The following GALNT16 variants were observed in gnomAD, a reference collection of about 807,000 sequenced individuals.
GALNT16 encodes polypeptide N-acetylgalactosaminyltransferase 16.
In GALNT16, 40 loss-of-function variants were observed where a neutral mutation model predicts 76.1. That is an observed-to-expected ratio of 0.53 (90% CI 0.41 to 0.68). GALNT16 has a LOEUF of 0.68. Among genes scored for constraint, GALNT16 ranks in the 30% least tolerant of loss-of-function variants. The probability of loss-of-function intolerance (pLI) is 0.00; values close to 1 mark genes in which losing one functional copy is unlikely to be tolerated. For synonymous variants in GALNT16, 276 were observed against 285.2 expected, an observed-to-expected ratio of 0.97 and a Z score of 0.32; for missense variants, 621 against 731.9, an observed-to-expected ratio of 0.85 and a Z score of 1.75.
At chr14:69,326,432 C>T (rs1401854146) in intron 5 of GALNT16, among the ~76,000 whole-genome samples, 1 of 152,184 alleles carries the variant, frequency 6.6e-6, no homozygotes, top group African/African-American at 2.4e-5. Context: ...GCATGGCACT[C>T]TAGGGGACAC....
downstream of GALNT16, chr14:69,357,266 C>G (rs992780854): frequency 2.6e-5 from 4 of 152,276 alleles, no homozygotes; most frequent in African/African-American, 9.6e-5. Flanking sequence ...GCTTCCAGGA[C>G]AGCTTGAAAT....
downstream of GALNT16, among the ~76,000 whole-genome samples, chr14:69,361,524 A>G (rs2045723629): frequency 6.6e-6 from 1 of 152,194 alleles, no homozygotes; most frequent in Non-Finnish European, 1.5e-5. Flanking sequence ...ACATGTTTGT[A>G]CTGTTATCCC....
At position 69,347,059 on chromosome 14, in the gene GALNT16, C is replaced by G; in HGVS notation, c.1291C>G (p.Leu431Val). ...PELTVPVKEA[L>V]PGIIKQGVNC... is the part of the protein sequence containing the mutation. ...TCTCAGGGTCCCCGTGAAGGAAGCA[C>G]TCCCCGGCATCATTAAGCAGGGGGT... The change falls in exon 13 of 15, where the codon CTC (leucine) becomes GTC (valine). Residue 431 changes from leucine (L) to valine (V), a missense_variant. Physicochemically the swap from Leu to Val is conservative, Grantham distance 32. Coordinates refer to ENST00000448469, the MANE Select transcript of GALNT16 (RefSeq NM_001168368.2). The G allele has an allele frequency of 6.2e-7, 1 of 1,614,106 alleles. No homozygotes were observed. Among genetic ancestry groups the G allele is most frequent in the Non-Finnish European group, 8.5e-7 (1 of 1,179,964 alleles).
intron 1 of GALNT16, among the ~76,000 whole-genome samples, chr14:69,307,506 T>C (rs1308843635): frequency 6.6e-6 from 1 of 152,166 alleles, no homozygotes; most frequent in Non-Finnish European, 1.5e-5. Context: ...CCCCTCCTTT[T>C]ATACAGTCAT....
downstream of GALNT16, among the ~76,000 whole-genome samples, chr14:69,359,810 A>G (rs182533213): frequency 6.6e-6 from 1 of 151,366 alleles, no homozygotes; most frequent in Admixed American, 6.6e-5. Flanking sequence ...GGCAATCACA[A>G]GGTCAGGAGA....
At position 69,339,537 on chromosome 14, in the gene GALNT16, C is replaced by A; in HGVS notation, c.1105C>A (p.Arg369Ser). ...TTCCTCTCCTTTTAGGAATACTAAG[C>A]GCACTGCAGAAGTGTGGATGGATGA... ...NALTYIRNTK[R>S]TAEVWMDEYK... The change falls in exon 11 of 15, where the codon CGC (arginine) becomes AGC (serine). Residue 369 changes from arginine to serine, a missense_variant. Coordinates refer to ENST00000448469, the MANE Select transcript of GALNT16 (RefSeq NM_001168368.2). 1.2e-6 allele frequency: 2 copies of A among 1,606,066 alleles called. No homozygotes were observed. Among genetic ancestry groups the A allele is most frequent in the Non-Finnish European group, 1.7e-6 (2 of 1,172,562 alleles).
At chr14:69,298,918 C>T (rs1043033539) in intron 1 of GALNT16, among the ~76,000 whole-genome samples, 6 of 152,316 alleles carry the variant, frequency 3.9e-5, no homozygotes, top group African/African-American at 9.6e-5. Flanking sequence ...TCAGAGATCC[C>T]GACACTCAAC....
intron 5 of GALNT16, among the ~76,000 whole-genome samples, chr14:69,326,914 C>G (rs1230994119): frequency 6.6e-6 from 1 of 152,200 alleles, no homozygotes; most frequent in Admixed American, 6.5e-5. Flanking sequence ...GCCGCCTACT[C>G]ATACTCATAC....
intron 1 of GALNT16, among the ~76,000 whole-genome samples, chr14:69,315,809 T>TA (rs1041733568): frequency 8.0e-5 from 12 of 149,384 alleles, no homozygotes; most frequent in Non-Finnish European, 1.2e-4. Context: ...AATCAGTTTT[T>TA]AAAAAAAAAA....
chr14:69,372,077 A>T, the GALNT16 span, among the ~76,000 whole-genome samples: 1 of 152,192 alleles, frequency 6.6e-6, no homozygotes, highest in African/African-American at 2.4e-5. Context: ...CGGTCACATA[A>T]ATGTGGAGTT....
At chr14:69,337,230 G>A (rs185949037) in intron 9 of GALNT16, among the ~76,000 whole-genome samples, 1 of 152,230 alleles carries the variant, frequency 6.6e-6, no homozygotes, top group African/African-American at 2.4e-5. Context: ...CTGCACTTCT[G>A]CAACTGAATA....
Position 69,352,049 on chromosome 14 carries a change from T to C in GALNT16, c.1558T>C (p.Ser520Pro). ...EGKQKWRRKGSFIQHSVSGLC... is the reference protein window; with the variant it reads ...EGKQKWRRKGPFIQHSVSGLC... ...CTCCTAGAAATGGAGGAGAAAAGGA[T>C]CTTTCATCCAGCATTCAGTCAGTGG... Residue 520 changes from serine to proline, a missense_variant, in exon 15 of 15, where the codon TCT becomes CCT. Coordinates refer to ENST00000448469, the MANE Select transcript of GALNT16 (RefSeq NM_001168368.2). The C allele has an allele frequency of 6.2e-7, 1 of 1,612,948 alleles. No individual in the cohort carries two copies. Among genetic ancestry groups the C allele is most frequent in the East Asian group, 2.2e-5 (1 of 44,878 alleles).
chr14:69,322,996 G>A (rs1282887311), intron 2 of GALNT16, among the ~76,000 whole-genome samples: 6 of 38,118 alleles, frequency 1.6e-4, no homozygotes, highest in African/African-American at 7.4e-4. Flanking sequence ...GCGCACGCGC[G>A]CACGCATGCA....
chr14:69,372,305 C>A, the GALNT16 span, among the ~76,000 whole-genome samples: 3 of 152,004 alleles, frequency 2.0e-5, no homozygotes, highest in African/African-American at 7.2e-5. Flanking sequence ...CAACATACTC[C>A]GTGTTGGCTG....
chr14:69,328,697 C>G, intron 6 of GALNT16, 126 bp downstream of exon 6: 3 of 886,394 alleles, frequency 3.4e-6, no homozygotes, highest in South Asian at 1.8e-5. Flanking sequence ...TAGTCTACTT[C>G]CCCCTGAGTG....
At chr14:69,296,003 C>T (rs777429578) in intron 1 of GALNT16, among the ~76,000 whole-genome samples, 1 of 152,070 alleles carries the variant, frequency 6.6e-6, no homozygotes, top group Non-Finnish European at 1.5e-5. Context: ...TAAAGAAATA[C>T]CTGACATTAG....
intron 1 of GALNT16, among the ~76,000 whole-genome samples, chr14:69,289,513 C>T (rs999070583): frequency 2.0e-5 from 3 of 152,060 alleles, no homozygotes; most frequent in African/African-American, 7.2e-5. Flanking sequence ...GTTGGCTCGG[C>T]CTATGTCCTG....
chr14:69,363,280 C>T, the GALNT16 span, among the ~76,000 whole-genome samples: 2 of 152,148 alleles, frequency 1.3e-5, no homozygotes, highest in South Asian at 2.1e-4. Context: ...GTCACGCTGC[C>T]GAGAAGGACC....
chr14:69,327,159 T>C (rs1435585917), intron 5 of GALNT16, among the ~76,000 whole-genome samples: 1 of 152,180 alleles, frequency 6.6e-6, no homozygotes, highest in Non-Finnish European at 1.5e-5. Flanking sequence ...AAGACTAGCC[T>C]GGCCAATGTG....
Sources: allele counts gnomAD v4.1 joint callset (sites outside exome capture counted in the v4.1 genomes callset), GRCh38; gene constraint gnomAD v4.1.1; transcripts MANE v1.5; gene names NCBI Gene and HGNC (gene_info 2026-07-23, HGNC 2026-07-21).